The following CDH18 variants were observed in gnomAD, a reference collection of about 807,000 sequenced individuals.
The protein encoded by CDH18 is cadherin 18, also known as cadherin-18.
Under a neutral mutation model 67.9 loss-of-function variants are expected in CDH18, and 31 were observed. The ratio of observed to expected loss-of-function variants is 0.46; its 90% CI spans 0.34 to 0.62. The LOEUF (loss-of-function observed/expected upper bound fraction) is 0.62. CDH18 is among the 20% of genes least tolerant of loss of function. The pLI is 0.01. For missense variants in CDH18, 890 were observed against 975.5 expected (o/e 0.91, Z 1.17); for synonymous variants, 362 against 347.2 (o/e 1.04, Z -0.48).
At chr5:20,015,139 C>T (rs747784608) in intron 2 of CDH18, among the ~76,000 whole-genome samples, 1 of 152,138 alleles carries the variant, frequency 6.6e-6, no homozygotes, top group Non-Finnish European at 1.5e-5. Context: ...GGTAGATTTG[C>T]GTGCCATGTT....
chr5:20,306,064 T>A (rs1381008082), intron 1 of CDH18, among the ~76,000 whole-genome samples: 1 of 152,200 alleles, frequency 6.6e-6, no homozygotes. Context: ...AAAGAGACAG[T>A]GCGATCAGAA....
At chr5:20,501,492 T>A (rs1178243831) in intron 1 of CDH18, among the ~76,000 whole-genome samples, 1 of 27,958 alleles carries the variant, frequency 3.6e-5, no homozygotes, top group Non-Finnish European at 1.1e-4. Context: ...TTATATATAT[T>A]TTATATACAT....
intron 1 of CDH18, among the ~76,000 whole-genome samples, chr5:20,543,751 A>G (rs538710363): frequency 6.6e-6 from 1 of 152,252 alleles, no homozygotes; most frequent in South Asian, 2.1e-4. Flanking sequence ...TGATCTTTCT[A>G]CTCTTAAAAA....
chr5:20,130,396 C>T (rs894825983), intron 2 of CDH18, among the ~76,000 whole-genome samples: 30 of 69,786 alleles, frequency 4.3e-4, no homozygotes, highest in African/African-American at 1.1e-3. Flanking sequence ...GTTCTCTCTT[C>T]CTTAGTTTTT....
intron 2 of CDH18, among the ~76,000 whole-genome samples, chr5:19,995,983 G>A (rs976022603): frequency 2.0e-5 from 3 of 151,924 alleles, no homozygotes; most frequent in African/African-American, 7.2e-5. Context: ...ATTGCACTCA[G>A]GACACAATAT....
chr5:20,464,291 G>A (rs1751480694), intron 1 of CDH18, among the ~76,000 whole-genome samples: 4 of 152,114 alleles, frequency 2.6e-5, no homozygotes, highest in Admixed American at 6.6e-5. Flanking sequence ...CACATTAAAT[G>A]TATTTGCAAA....
At chr5:20,009,866 T>C (rs922046549) in intron 2 of CDH18, among the ~76,000 whole-genome samples, 34 of 152,144 alleles carry the variant, frequency 2.2e-4, no homozygotes, top group African/African-American at 7.2e-4. Context: ...TTCTGGAAGA[T>C]ACATTCTTTA....
At chr5:19,721,215 A>C (rs1766045129) in intron 5 of CDH18, 132 bp downstream of exon 5, 4 of 827,098 alleles carry the variant, frequency 4.8e-6, no homozygotes, top group Middle Eastern at 2.5e-4. Context: ...TGTTTTAGAA[A>C]AAGTGAGGAT....
At chr5:19,867,549 A>C in intron 2 of CDH18, among the ~76,000 whole-genome samples, 1 of 152,210 alleles carries the variant, frequency 6.6e-6, no homozygotes, top group Non-Finnish European at 1.5e-5. Context: ...AGGCTATTCA[A>C]TGGTGACTTA....
At chr5:20,204,475 AT>A in intron 2 of CDH18, among the ~76,000 whole-genome samples, 1 of 152,194 alleles carries the variant, frequency 6.6e-6, no homozygotes, top group Non-Finnish European at 1.5e-5. Context: ...CACAGGACCT[AT>A]TTTACAAGAA....
At chr5:20,449,988 A>AT (rs10713198) in intron 1 of CDH18, among the ~76,000 whole-genome samples, 16 of 149,786 alleles carry the variant, frequency 1.1e-4, no homozygotes, top group Admixed American at 3.3e-4. Flanking sequence ...ATGCATAAGA[A>AT]TTTTTTTTTT....
chr5:20,228,062 A>G (rs544324795), intron 2 of CDH18, among the ~76,000 whole-genome samples: 42 of 152,118 alleles, frequency 2.8e-4, no homozygotes, highest in Non-Finnish European at 5.1e-4. Context: ...CTTTTCTATC[A>G]TATGACAGTA....
At position 20,235,659 on chromosome 5, in the gene CDH18, G is replaced by A. The variant is rs548902303; in HGVS notation, c.-518+19785C>T. 4.6e-5 allele frequency among the ~76,000 whole-genome samples: 7 copies of A among 152,214 alleles called. No homozygotes were observed. The East Asian group carries it at 7.7e-4, about 17-fold the overall frequency. On this transcript the variant is annotated intron_variant, in intron 2 of 14. Transcript: ENST00000507958. Reference sequence around the variant, plus strand: ...GGCAAGGCTGTAGAGAAAAGAGAACGTTTACACACTATTGGTGGGAACCTA... The same window carrying A: ...GGCAAGGCTGTAGAGAAAAGAGAACATTTACACACTATTGGTGGGAACCTA...
intron 2 of CDH18, among the ~76,000 whole-genome samples, chr5:20,055,224 T>C (rs555866961): frequency 6.6e-6 from 1 of 152,338 alleles, no homozygotes; most frequent in East Asian, 1.9e-4. Flanking sequence ...CAATTGGAAA[T>C]ATAAAATCCC....
intron 1 of CDH18, among the ~76,000 whole-genome samples, chr5:20,295,829 G>T (rs78245226): frequency 2.1e-5 from 3 of 144,722 alleles, no homozygotes; most frequent in East Asian, 4.2e-4. Flanking sequence ...TGATAAGAAA[G>T]ATCAATCTGC....
intron 1 of CDH18, among the ~76,000 whole-genome samples, chr5:20,389,347 C>A (rs10941716): frequency 0.44 from 66,367 of 151,474 alleles, 16,818 homozygotes; most frequent in Middle Eastern, 0.67. Context: ...GGCTTAAAGT[C>A]TGTTTTTTCA....
At chr5:19,910,943 T>C (rs909296624) in intron 2 of CDH18, among the ~76,000 whole-genome samples, 4 of 152,142 alleles carry the variant, frequency 2.6e-5, no homozygotes, top group African/African-American at 7.2e-5. Context: ...GACTCTGAAG[T>C]GACATCTGAG....
At chr5:20,537,359 T>C (rs1037924908) in intron 1 of CDH18, among the ~76,000 whole-genome samples, 2 of 151,678 alleles carry the variant, frequency 1.3e-5, no homozygotes, top group Non-Finnish European at 2.9e-5. Flanking sequence ...AAATAATTAT[T>C]AATTATTATA....
At chr5:19,748,160 T>A (rs888143463) in intron 3 of CDH18, among the ~76,000 whole-genome samples, 1 of 146,966 alleles carries the variant, frequency 6.8e-6, no homozygotes, top group Admixed American at 6.9e-5. Context: ...ATAGAGTATT[T>A]TTTTAGTTAG....
Sources: gnomAD v4.1 joint callset for allele counts (sites outside exome capture counted in the v4.1 genomes callset) on GRCh38, gnomAD v4.1.1 for gene constraint, MANE v1.5 for transcripts, NCBI Gene and HGNC (gene_info 2026-07-23, HGNC 2026-07-21) for gene names.